Variants in OSBPL3 observed in about 807,000 individuals in gnomAD.
OSBPL3 encodes oxysterol-binding protein-related protein 3.
Under a neutral mutation model 120.1 loss-of-function variants are expected in OSBPL3, and 65 were observed. That is an observed-to-expected ratio of 0.54 (90% confidence interval 0.44 to 0.67). OSBPL3 has a LOEUF of 0.67. OSBPL3 is among the 30% of genes least tolerant of loss of function. The probability of loss-of-function intolerance (pLI) is 0.00; values close to 1 mark genes in which losing one functional copy is unlikely to be tolerated. For synonymous variants in OSBPL3, 416 were observed against 402.6 expected, an observed-to-expected ratio of 1.03 and a Z score of -0.40; for missense variants, 1,004 against 1,082.1, an observed-to-expected ratio of 0.93 and a Z score of 1.01.
chr7:24,805,621 G>C lies in OSBPL3; in HGVS notation c.2444+1155C>G, dbSNP rs1281045401. Among the ~76,000 whole-genome samples, 2 of 152,144 alleles carry C rather than the reference G, an allele frequency of 1.3e-5. No individual in the cohort carries two copies. The highest frequency in any genetic ancestry group is 2.9e-5 in the Non-Finnish European group (2 of 68,026). The stretch of plus-strand genomic sequence containing the variant: ...AAAAGTAGACAAACTGCACGAAACA[G>C]TACAAGCATAATGTGCATAGCAAGA... On this transcript the variant is annotated intron_variant, in intron 21 of 22. Coordinates refer to ENST00000313367, the MANE Select transcript of OSBPL3 (RefSeq NM_015550.4). This position sits in a 1 kb window ranked among gnomAD's most constrained non-coding sequence, Gnocchi z 4.0.
At position 24,808,346 on chromosome 7, in the gene OSBPL3, T is replaced by G. The variant is rs1002740273; in HGVS notation, c.2318-1444A>C. On this transcript the variant is annotated intron_variant, in intron 20 of 22. Transcript: ENST00000313367. The surrounding 1 kb of genome is among the most constrained non-coding windows in gnomAD (Gnocchi z 4.6). ...AGGGAGTGAAGATAGTGCTTTTTCT[T>G]AAAGATGGGCCAGGGATGCTCACTG... Among the ~76,000 whole-genome samples the G allele has an allele frequency of 6.6e-6, 1 of 152,152 alleles. No homozygotes were observed. The highest frequency in any genetic ancestry group is 1.5e-5 in the Non-Finnish European group (1 of 68,024).
At chr7:24,897,395 G>T (rs187982032) in intron 1 of OSBPL3, among the ~76,000 whole-genome samples, 4,637 of 143,078 alleles carry the variant, frequency 0.032, 158 homozygotes, top group African/African-American at 0.068. Context: ...GCGCGATCTC[G>T]GCTCACTGCA....
Position 24,959,300 on chromosome 7 carries a change from T to A in OSBPL3, c.-150+20586A>T, listed in dbSNP as rs1012144307. On this transcript the variant is annotated intron_variant, in intron 1 of 22. Coordinates refer to ENST00000313367, the MANE Select transcript of OSBPL3 (RefSeq NM_015550.4). The surrounding 1 kb of genome is among the most constrained non-coding windows in gnomAD (Gnocchi z 4.3). Reference sequence around the variant, plus strand: ...AGAATATTCACAGCAGCACTAATCATAAAAACCCCAAACAGAAAAAAAAAC... The same window carrying A: ...AGAATATTCACAGCAGCACTAATCAAAAAAACCCCAAACAGAAAAAAAAAC... 2.0e-5 allele frequency among the ~76,000 whole-genome samples: 3 copies of A among 151,458 alleles called. No homozygotes were observed. Among genetic ancestry groups the A allele is most frequent in the Non-Finnish European group, 4.4e-5 (3 of 67,866 alleles).
intron 2 of OSBPL3, among the ~76,000 whole-genome samples, chr7:24,876,238 G>A (rs556209307): frequency 3.3e-5 from 5 of 152,106 alleles, no homozygotes; most frequent in African/African-American, 1.2e-4. Flanking sequence ...CTTATATTTT[G>A]GCCTCCCAGA....
chr7:24,807,506 A>C (rs1001373644), intron 20 of OSBPL3, among the ~76,000 whole-genome samples: 9 of 148,238 alleles, frequency 6.1e-5, no homozygotes, highest in African/African-American at 2.2e-4. Flanking sequence ...AAATAATAAT[A>C]ATAATAATAA....
intron 1 of OSBPL3, among the ~76,000 whole-genome samples, chr7:24,910,123 A>G (rs1246406863): frequency 2.6e-5 from 4 of 152,098 alleles, no homozygotes; most frequent in Non-Finnish European, 4.4e-5. Flanking sequence ...ACTATTTTCA[A>G]TTTGAAGGTG....
rs966670041 is a variant in OSBPL3 at position 24,819,594 on chromosome 7, A to G, written c.1948+581T>C. Among the ~76,000 whole-genome samples the G allele has an allele frequency of 1.3e-5, 2 of 152,158 alleles. No homozygotes were observed. Among genetic ancestry groups the G allele is most frequent in the African/African-American group, 4.8e-5 (2 of 41,446 alleles). The stretch of plus-strand genomic sequence containing the variant: ...TAACGTGTGATATCACTAGTAGCAG[A>G]GAAAAATATTTTTAAAATGTATATG... On this transcript the variant is annotated intron_variant, in intron 17 of 22. Coordinates refer to ENST00000313367, the MANE Select transcript of OSBPL3 (RefSeq NM_015550.4). This position sits in a 1 kb window ranked among gnomAD's most constrained non-coding sequence, Gnocchi z 4.1.
intron 12 of OSBPL3, among the ~76,000 whole-genome samples, chr7:24,844,639 C>T (rs559598480): frequency 2.0e-5 from 3 of 151,976 alleles, no homozygotes; most frequent in South Asian, 4.2e-4. Context: ...TTATAAAGTT[C>T]GCCCAAATAA....
intron 1 of OSBPL3, among the ~76,000 whole-genome samples, chr7:24,917,105 A>G (rs1205180078): frequency 6.6e-6 from 1 of 152,072 alleles, no homozygotes; most frequent in Non-Finnish European, 1.5e-5. Flanking sequence ...AATGCATTCC[A>G]GTGACAACAA....
intron 12 of OSBPL3, among the ~76,000 whole-genome samples, chr7:24,844,543 A>T (rs1474863431): frequency 6.6e-6 from 1 of 152,216 alleles, no homozygotes; most frequent in Non-Finnish European, 1.5e-5. Flanking sequence ...CATAGCTCAC[A>T]CTATAACAAC....
Position 24,894,164 on chromosome 7 carries a change from A to G in OSBPL3, c.-149-1543T>C, listed in dbSNP as rs1444056287. ...TAACACTTAGTTCTTCAAAAATAAA[A>G]AAGAGTACATTAAAGCAATAAGCTA... On this transcript the variant is annotated intron_variant, in intron 1 of 22. Coordinates refer to ENST00000313367, the MANE Select transcript of OSBPL3 (RefSeq NM_015550.4). This position sits in a 1 kb window ranked among gnomAD's most constrained non-coding sequence, Gnocchi z 4.1. Among the ~76,000 whole-genome samples, 1 of 152,206 alleles carries G rather than the reference A, an allele frequency of 6.6e-6. No individual in the cohort carries two copies. The highest frequency in any genetic ancestry group is 1.5e-5 in the Non-Finnish European group (1 of 68,052).
intron 2 of OSBPL3, among the ~76,000 whole-genome samples, chr7:24,884,866 A>G (rs1804258827): frequency 1.3e-5 from 2 of 152,148 alleles, no homozygotes; most frequent in African/African-American, 4.8e-5. Context: ...GACAACCACG[A>G]TGTTTCCAAG....
In OSBPL3 at chr7:24,831,679, G is replaced by A. The variant is rs1302135914; in HGVS notation, c.1747-774C>T. On this transcript the variant is annotated intron_variant, in intron 15 of 22. Transcript: ENST00000313367. This position sits in a 1 kb window ranked among gnomAD's most constrained non-coding sequence, Gnocchi z 4.0. ...TGTATGTAACAACAGTTAAGCCTAAGCAGGGATGTCCAATTTTCCTTTCTA... is the reference window on the plus strand; with the variant it reads ...TGTATGTAACAACAGTTAAGCCTAAACAGGGATGTCCAATTTTCCTTTCTA... Among the ~76,000 whole-genome samples the A allele has an allele frequency of 6.6e-6, 1 of 152,166 alleles. No individual in the cohort carries two copies. The highest frequency in any genetic ancestry group is 1.9e-4 in the East Asian group (1 of 5,190).
intron 1 of OSBPL3, among the ~76,000 whole-genome samples, chr7:24,942,294 T>C (rs1311419253): frequency 1.3e-5 from 2 of 152,188 alleles, no homozygotes; most frequent in East Asian, 3.8e-4. Context: ...TTTATACAAC[T>C]AATATAATGA....
intron 1 of OSBPL3, among the ~76,000 whole-genome samples, chr7:24,914,286 C>A (rs1809247833): frequency 6.6e-6 from 1 of 151,750 alleles, no homozygotes; most frequent in Admixed American, 6.6e-5. Context: ...CAGTATTGGA[C>A]AGCAACAAGT....
rs1291682525 is a variant in OSBPL3, at chr7:24,854,519, CACACACACACACACACACAA to C, written c.1028-1905_1028-1886del. On this transcript the variant is annotated intron_variant, in intron 10 of 22. Transcript: ENST00000313367. The surrounding 1 kb of genome is among the most constrained non-coding windows in gnomAD (Gnocchi z 4.1). Reference sequence around the variant, plus strand: ...ACACACACGCACACACACACACACACACACACACACACACACACAAACACACACAATGGTGCTGCCTCTGC... The same window carrying C: ...ACACACACGCACACACACACACACACACACACACAATGGTGCTGCCTCTGC... 6.3e-4 allele frequency among the ~76,000 whole-genome samples: 94 copies of C among 149,734 alleles called. No individual in the cohort carries two copies. Among genetic ancestry groups the C allele is most frequent in the African/African-American group, 2.2e-3 (90 of 40,832 alleles).
Position 24,980,125 on chromosome 7 carries a change from T to G in OSBPL3, c.-389A>C, listed in dbSNP as rs1328504794. On this transcript the variant is annotated 5_prime_UTR_variant, in exon 1 of 23. Coordinates refer to ENST00000313367, the MANE Select transcript of OSBPL3 (RefSeq NM_015550.4). ...CTCAAGTCCCCTCTCCCGGGCCGGC[T>G]GGCGGGCGCCACCAGCACGCGGCCA... 2.4e-6 allele frequency: 2 copies of G among 849,686 alleles called. No individual in the cohort carries two copies. Among genetic ancestry groups the G allele is most frequent in the Non-Finnish European group, 1.4e-6 (1 of 706,550 alleles). The allele number at this position is 849,686 out of a possible 1,614,324, so 52.6% of individuals were successfully genotyped here. A position where few individuals can be genotyped will look rare whatever the true frequency, so the allele number is the denominator to read the frequency against.
intron 2 of OSBPL3, among the ~76,000 whole-genome samples, chr7:24,886,605 A>C (rs1460226966): frequency 6.6e-6 from 1 of 152,218 alleles, no homozygotes; most frequent in Non-Finnish European, 1.5e-5. Flanking sequence ...GACGATTTGT[A>C]TCTTCTACAT....
chr7:24,797,129 C>T lies in OSBPL3; in HGVS notation c.*3054G>A, dbSNP rs563805778. 3.3e-5 allele frequency: 5 copies of T among 152,210 alleles called. No homozygotes were observed. Among genetic ancestry groups the T allele is most frequent in the Non-Finnish European group, 5.9e-5 (4 of 68,014 alleles). 9.4% of individuals were successfully genotyped at this position (152,210 alleles called of 1,614,324 possible). The stretch of plus-strand genomic sequence containing the variant: ...AGGGGCTACATCAAGGTTCAACAGC[C>T]AAATAAAAACTTTATTACTTTTTAG... On this transcript the variant is annotated 3_prime_UTR_variant, in exon 23 of 23. Coordinates refer to ENST00000313367, the MANE Select transcript of OSBPL3 (RefSeq NM_015550.4). The surrounding 1 kb of genome is among the most constrained non-coding windows in gnomAD (Gnocchi z 4.8).
Sources: gnomAD v4.1 joint callset for allele counts (sites outside exome capture counted in the v4.1 genomes callset) on GRCh38, gnomAD v4.1.1 for gene constraint, Gnocchi (gnomAD v3.1) non-coding constraint, MANE v1.5 for transcripts, NCBI Gene and HGNC (gene_info 2026-07-23, HGNC 2026-07-21) for gene names.